FBXL5: variants seen among roughly 807,000 people sequenced by gnomAD.
FBXL5 encodes the protein F-box and leucine rich repeat protein 5, also known as F-box/LRR-repeat protein 5.
A neutral mutation model predicts 78.3 loss-of-function variants in FBXL5; 26 were observed. The observed-to-expected ratio is 0.33, with a 90% CI of 0.24 to 0.46. The LOEUF (loss-of-function observed/expected upper bound fraction) is 0.46, where lower values mean the gene tolerates loss of function less well. FBXL5 is among the 20% of genes least tolerant of loss of function. The pLI is 1.00. For missense variants in FBXL5, 710 were observed against 829.2 expected, an observed-to-expected ratio of 0.86 and a Z score of 1.77; for synonymous variants, 295 against 282.5, an observed-to-expected ratio of 1.04 and a Z score of -0.45.
chr4:15,658,251 C>T (rs781498989), upstream of FBXL5, among the ~76,000 whole-genome samples: 7 of 152,188 alleles, frequency 4.6e-5, no homozygotes, highest in Non-Finnish European at 1.0e-4. Context: ...CGTTTTGACC[C>T]AGTTGGAATC....
chr4:15,655,223 A>G lies in FBXL5; in HGVS notation c.65T>C (p.Val22Ala). The G allele has an allele frequency of 1.4e-6, 2 of 1,434,836 alleles. No individual in the cohort carries two copies. The highest frequency in any genetic ancestry group is 1.3e-5 in the South Asian group (1 of 78,058). The allele number at this position is 1,434,836 out of a possible 1,614,324, so 88.9% of individuals were successfully genotyped here. The change falls in exon 1 of 11, where the codon GTG becomes GCG. Residue 22 changes from valine (V) to alanine (A), a missense_variant. Val to Ala is a moderately conservative substitution (Grantham distance 64). Transcript: ENST00000341285. ...TAPHWRMKQL[V>A]GLYCDKLSKT... is the part of the protein sequence containing the mutation. ...CGTTACCTTGTCGCAGTAGAGCCCC[A>G]CCAGCTGCTTCATCCGCCAGTGTGG... is the stretch of plus-strand genomic sequence containing the variant.
intron 9 of FBXL5, among the ~76,000 whole-genome samples, chr4:15,621,855 G>T (rs1712517143): frequency 6.6e-6 from 1 of 152,074 alleles, no homozygotes; most frequent in Admixed American, 6.6e-5. Flanking sequence ...TTGAGACAGG[G>T]TCTGGCTTTG....
intron 3 of FBXL5, among the ~76,000 whole-genome samples, chr4:15,640,393 G>GAAAAAAAAAAAAAAAAACAAAA (rs1714729832): frequency 1.1e-5 from 1 of 91,634 alleles, no homozygotes; most frequent in Non-Finnish European, 2.1e-5. Flanking sequence ...CTACACTACT[G>GAAAAAAAAAAAAAAAAACAAAA]AAAAAAAAAA....
intron 1 of FBXL5, among the ~76,000 whole-genome samples, chr4:15,671,127 T>C (rs1387277182): frequency 2.0e-5 from 3 of 151,988 alleles, no homozygotes; most frequent in Non-Finnish European, 2.9e-5. Flanking sequence ...TTTCTCCATG[T>C]TGGCCAGGCT....
upstream of FBXL5, among the ~76,000 whole-genome samples, chr4:15,659,496 T>C (rs1212730000): frequency 1.3e-5 from 2 of 152,204 alleles, no homozygotes; most frequent in Admixed American, 6.5e-5. Context: ...TCTAATTCCT[T>C]CTACCAGGAG....
chr4:15,676,968 T>G (rs1335598300), intron 1 of FBXL5, among the ~76,000 whole-genome samples: 2 of 152,196 alleles, frequency 1.3e-5, no homozygotes, highest in South Asian at 2.1e-4. Flanking sequence ...AAATGATATG[T>G]TCTATATTTA....
intron 9 of FBXL5, among the ~76,000 whole-genome samples, chr4:15,619,908 A>AG (rs1445667019): frequency 5.9e-5 from 9 of 152,310 alleles, no homozygotes; most frequent in African/African-American, 2.2e-4. Context: ...AAAACCTGTT[A>AG]GAACTACATA....
intron 1 of FBXL5, among the ~76,000 whole-genome samples, chr4:15,666,760 A>T (rs999125480): frequency 6.6e-6 from 1 of 151,954 alleles, no homozygotes; most frequent in African/African-American, 2.4e-5. Flanking sequence ...GGTCAAGGTG[A>T]CAGTGAGCTG....
At chr4:15,673,081 A>G (rs1232401913) in intron 1 of FBXL5, among the ~76,000 whole-genome samples, 2 of 152,174 alleles carry the variant, frequency 1.3e-5, no homozygotes, top group African/African-American at 4.8e-5. Context: ...AATACTTTGA[A>G]GGATCTGTCT....
chr4:15,620,336 T>TA (rs1712354128), intron 9 of FBXL5, among the ~76,000 whole-genome samples: 1 of 150,234 alleles, frequency 6.7e-6, no homozygotes, highest in African/African-American at 2.5e-5. Flanking sequence ...AAAGACTTAA[T>TA]ACTGTTGTCA....
upstream of FBXL5, among the ~76,000 whole-genome samples, chr4:15,657,590 G>T (rs1349468280): frequency 6.6e-6 from 1 of 152,190 alleles, no homozygotes; most frequent in East Asian, 1.9e-4. Context: ...AGCCACTTTG[G>T]ACACTGGCCA....
chr4:15,673,877 C>G (rs890763422), intron 1 of FBXL5, among the ~76,000 whole-genome samples: 1 of 152,208 alleles, frequency 6.6e-6, no homozygotes, highest in Non-Finnish European at 1.5e-5. Flanking sequence ...GAAATTCTCC[C>G]AAGGCAATAA....
chr4:15,680,407 ACC>A (rs1718181849), intron 1 of FBXL5, among the ~76,000 whole-genome samples: 1 of 152,142 alleles, frequency 6.6e-6, no homozygotes, highest in Non-Finnish European at 1.5e-5. Flanking sequence ...GCAGTGGCTC[ACC>A]CCTGTAATCC....
intron 1 of FBXL5, among the ~76,000 whole-genome samples, chr4:15,676,445 CA>C (rs1270147994): frequency 6.7e-6 from 1 of 149,952 alleles, no homozygotes; most frequent in Non-Finnish European, 1.5e-5. Context: ...ATGTCAACAA[CA>C]AAAAAAAGGG....
chr4:15,655,018 T>C (rs910609252), intron 1 of FBXL5, among the ~76,000 whole-genome samples, 186 bp downstream of exon 1: 1 of 151,096 alleles, frequency 6.6e-6, no homozygotes, highest in African/African-American at 2.4e-5. Context: ...AGGCCGGCTC[T>C]GCGAAGGCCT....
At chr4:15,673,591 T>C (rs1277611364) in intron 1 of FBXL5, among the ~76,000 whole-genome samples, 4 of 152,232 alleles carry the variant, frequency 2.6e-5, no homozygotes, top group Non-Finnish European at 5.9e-5. Context: ...AAGTCTATCA[T>C]TGAACAAAAT....
intron 5 of FBXL5, among the ~76,000 whole-genome samples, chr4:15,631,116 G>C (rs1713600431): frequency 6.6e-6 from 1 of 151,914 alleles, no homozygotes; most frequent in Non-Finnish European, 1.5e-5. Context: ...CCCACCCTGT[G>C]TCCAAGTGTT....
At chr4:15,671,853 G>C (rs1717783868) in intron 1 of FBXL5, among the ~76,000 whole-genome samples, 2 of 152,100 alleles carry the variant, frequency 1.3e-5, no homozygotes, top group South Asian at 4.1e-4. Context: ...CATACAGTAG[G>C]TTTTACATTT....
chr4:15,611,978 A>G lies in FBXL5; in HGVS notation c.1999+288T>C, dbSNP rs1384433878. Reference sequence around the variant, plus strand: ...TAGAGGAATACCTAAAACTTTTAACAAGAATTTTAGTATTTCTATTAACTT... The same window carrying G: ...TAGAGGAATACCTAAAACTTTTAACGAGAATTTTAGTATTTCTATTAACTT... On this transcript the variant is annotated intron_variant, in intron 10 of 10. Transcript: ENST00000341285. 3 of 230,662 alleles carry G rather than the reference A, an allele frequency of 1.3e-5. No individual in the cohort carries two copies. In the East Asian group the frequency reaches 3.0e-4, roughly 23 times the overall value. The allele number at this position is 230,662 out of a possible 1,614,324, so 14.3% of individuals were successfully genotyped here. A position where few individuals can be genotyped will look rare whatever the true frequency, so the allele number is the denominator to read the frequency against.
Sources: allele counts gnomAD v4.1 joint callset (sites outside exome capture counted in the v4.1 genomes callset), GRCh38; gene constraint gnomAD v4.1.1; transcripts MANE v1.5; gene names NCBI Gene and HGNC (gene_info 2026-07-23, HGNC 2026-07-21).